RBM25: variants seen among roughly 807,000 people sequenced by gnomAD.
The protein encoded by RBM25 is RNA binding motif protein 25.
In RBM25, 19 loss-of-function variants were observed where a neutral mutation model predicts 120.7. The observed-to-expected ratio is 0.16, with a 90% CI of 0.11 to 0.23. The LOEUF (loss-of-function observed/expected upper bound fraction) is 0.23, where lower values mean the gene tolerates loss of function less well. RBM25 is among the 10% of genes least tolerant of loss of function. The pLI is 1.00. For synonymous variants in RBM25, 390 were observed against 326.7 expected (o/e 1.19, Z -2.09); for missense variants, 605 against 1,041.5 (o/e 0.58, Z 5.77).
chr14:73,113,140 A>C lies in RBM25; in HGVS notation c.2391+890A>C, dbSNP rs927061836. On this transcript the variant is annotated intron_variant, in intron 17 of 18. Coordinates refer to ENST00000261973, the MANE Select transcript of RBM25 (RefSeq NM_021239.3). ...AATGCTCTCCCTCCCCTAGCTCCCCACCCGCCGACAGGCCCAGCTGTGTGA... is the reference window on the plus strand; with the variant it reads ...AATGCTCTCCCTCCCCTAGCTCCCCCCCCGCCGACAGGCCCAGCTGTGTGA... 3.3e-3 allele frequency among the ~76,000 whole-genome samples: 504 copies of C among 151,010 alleles called. 13 individuals carry two copies. The highest frequency in any genetic ancestry group is 0.029 in the Admixed American group (438 of 15,164).
chr14:73,082,703 C>T (rs748713051), intron 4 of RBM25, among the ~76,000 whole-genome samples: 30 of 152,122 alleles, frequency 2.0e-4, no homozygotes, highest in Non-Finnish European at 4.0e-4. Context: ...TAGTTAGAGT[C>T]TTGCTGTGTA....
At chr14:73,092,258 G>T (rs1895834561) in intron 6 of RBM25, among the ~76,000 whole-genome samples, 1 of 143,276 alleles carries the variant, frequency 7.0e-6, no homozygotes, top group Non-Finnish European at 1.5e-5. Flanking sequence ...TGGAGGGAGG[G>T]AGCAGGGGGA....
chr14:73,084,364 T>G (rs993508431), intron 5 of RBM25, among the ~76,000 whole-genome samples: 3 of 152,206 alleles, frequency 2.0e-5, no homozygotes, highest in African/African-American at 7.2e-5. Flanking sequence ...AGTTATTCTA[T>G]TTCTAATTTT....
chr14:73,073,258 T>C (rs1209808051), intron 2 of RBM25, among the ~76,000 whole-genome samples: 1 of 152,128 alleles, frequency 6.6e-6, no homozygotes, highest in African/African-American at 2.4e-5. Context: ...AACTACTCAT[T>C]GTAAAATTTT....
intron 6 of RBM25, among the ~76,000 whole-genome samples, chr14:73,094,278 G>T (rs1239839570): frequency 2.1e-5 from 3 of 145,796 alleles, no homozygotes; most frequent in Non-Finnish European, 3.0e-5. Context: ...TGTTGTTATT[G>T]TTTTTTTTTT....
rs1001051313 is a variant in RBM25 at position 73,058,592 on chromosome 14, C to T, written c.-129C>T. 11 of 152,308 alleles carry T rather than the reference C, an allele frequency of 7.2e-5. 1 individual carries two copies. The South Asian group carries it at 1.0e-3, about 14-fold the overall frequency. 9.4% of individuals were successfully genotyped at this position (152,308 alleles called of 1,614,324 possible). A position where few individuals can be genotyped will look rare whatever the true frequency, so the allele number is the denominator to read the frequency against. On this transcript the variant is annotated 5_prime_UTR_variant, in exon 1 of 19. Coordinates refer to ENST00000261973, the MANE Select transcript of RBM25 (RefSeq NM_021239.3). ...TATTTGCGGCCTGTGCGAGTAGGCG[C>T]TTGGGCACTCAGTCTCCCTGGCGAG... is the stretch of plus-strand genomic sequence containing the variant.
At position 73,070,253 on chromosome 14, in the gene RBM25, C is replaced by T. The variant is rs191815651; in HGVS notation, c.-15-1374C>T. Reference sequence around the variant, plus strand: ...GTTTGTTTTAGTGGGGACGGGGTTTCGCCATGTTGGTGAGGCTGGTCTCGA... The same window carrying T: ...GTTTGTTTTAGTGGGGACGGGGTTTTGCCATGTTGGTGAGGCTGGTCTCGA... On this transcript the variant is annotated intron_variant, in intron 1 of 18. Coordinates refer to ENST00000261973, the MANE Select transcript of RBM25 (RefSeq NM_021239.3). Among the ~76,000 whole-genome samples, 5 of 151,918 alleles carry T rather than the reference C, an allele frequency of 3.3e-5. No homozygotes were observed. The East Asian group carries it at 9.7e-4, about 29-fold the overall frequency.
intron 18 of RBM25, among the ~76,000 whole-genome samples, chr14:73,117,135 A>G (rs1223467958): frequency 6.6e-6 from 1 of 151,658 alleles, no homozygotes; most frequent in South Asian, 2.1e-4. Flanking sequence ...AATCTGATCA[A>G]AAGTTCTTTA....
intron 5 of RBM25, among the ~76,000 whole-genome samples, chr14:73,087,333 G>A (rs1355985751): frequency 6.6e-6 from 1 of 150,968 alleles, no homozygotes; most frequent in Non-Finnish European, 1.5e-5. Context: ...CCTGCAGTCT[G>A]TTCTTTCTTG....
rs1040171085 is a variant in RBM25 at position 73,106,182 on chromosome 14, T to C, written c.1378-14T>C. 4 of 1,578,196 alleles carry C rather than the reference T, an allele frequency of 2.5e-6. No homozygotes were observed. Among genetic ancestry groups the C allele is most frequent in the Non-Finnish European group, 3.4e-6 (4 of 1,168,450 alleles). On this transcript the variant is annotated splice_polypyrimidine_tract_variant and intron_variant, in intron 11 of 18. Coordinates refer to ENST00000261973, the MANE Select transcript of RBM25 (RefSeq NM_021239.3). ...GTATAAATTTTTAAAGCTTTGAAAA[T>C]TTAATTTTTTTAGCGCCTTAAGAAT... is the stretch of plus-strand genomic sequence containing the variant.
rs925617171 is a variant in RBM25 at position 73,120,856 on chromosome 14, G to A, written c.*1051G>A. On this transcript the variant is annotated 3_prime_UTR_variant, in exon 19 of 19. Coordinates refer to ENST00000261973, the MANE Select transcript of RBM25 (RefSeq NM_021239.3). The stretch of plus-strand genomic sequence containing the variant: ...AGGTATTCTGCTCGGCAATTTGTAA[G>A]TTTACATGTTATTTAAGGATAAAGG... The A allele has an allele frequency of 6.6e-6, 1 of 152,164 alleles. No homozygotes were observed. The highest frequency in any genetic ancestry group is 1.5e-5 in the Non-Finnish European group (1 of 68,016). 9.4% of individuals were successfully genotyped at this position (152,164 alleles called of 1,614,324 possible).
intron 4 of RBM25, among the ~76,000 whole-genome samples, chr14:73,082,529 A>C (rs930306593): frequency 2.6e-5 from 4 of 151,974 alleles, no homozygotes; most frequent in Non-Finnish European, 5.9e-5. Context: ...GGGCTCAAGC[A>C]ATCCTTCCAC....
chr14:73,067,042 T>C (rs1262129636), intron 1 of RBM25, among the ~76,000 whole-genome samples: 1 of 151,926 alleles, frequency 6.6e-6, no homozygotes, highest in Admixed American at 6.6e-5. Flanking sequence ...GGGATGATTT[T>C]GGAGGTAAAG....
intron 7 of RBM25, among the ~76,000 whole-genome samples, 184 bp from the exon 8 acceptor site, chr14:73,099,196 G>A (rs1896011143): frequency 6.6e-6 from 1 of 152,138 alleles, no homozygotes; most frequent in Admixed American, 6.5e-5. Context: ...GAGGAGGGTA[G>A]TGTGTGATCA....
chr14:73,115,343 A>C (rs1351346711), intron 18 of RBM25, among the ~76,000 whole-genome samples: 1 of 152,114 alleles, frequency 6.6e-6, no homozygotes, highest in African/African-American at 2.4e-5. Flanking sequence ...GCCCTACGAT[A>C]GGCCCCATTG....
chr14:73,078,364 C>T (rs544813085), intron 4 of RBM25, among the ~76,000 whole-genome samples: 7 of 151,850 alleles, frequency 4.6e-5, no homozygotes, highest in African/African-American at 7.2e-5. Context: ...TGGTGATGCA[C>T]GCCTGTAGTC....
At chr14:73,118,917 G>A (rs753496907) in intron 18 of RBM25, among the ~76,000 whole-genome samples, 3 of 150,676 alleles carry the variant, frequency 2.0e-5, no homozygotes, top group South Asian at 2.1e-4. Context: ...TACAGGTGCC[G>A]GCCACCATGC....
intron 9 of RBM25, chr14:73,102,333 G>T (rs1896073021): frequency 6.6e-6 from 1 of 152,144 alleles, no homozygotes; most frequent in Non-Finnish European, 1.5e-5. Flanking sequence ...TGGTTTATTT[G>T]TGAACCATGT....
At chr14:73,093,974 CAG>C (rs1274157023) in intron 6 of RBM25, among the ~76,000 whole-genome samples, 16 of 122,640 alleles carry the variant, frequency 1.3e-4, no homozygotes, top group Admixed American at 9.8e-4. Context: ...TTTCTTGAGA[CAG>C]AGTCTCACTC....
Sources: allele counts gnomAD v4.1 joint callset (sites outside exome capture counted in the v4.1 genomes callset), GRCh38; gene constraint gnomAD v4.1.1; transcripts MANE v1.5; gene names NCBI Gene and HGNC (gene_info 2026-07-23, HGNC 2026-07-21).